Variants in CACNA1S observed in about 807,000 individuals in gnomAD.
CACNA1S encodes the protein calcium voltage-gated channel subunit alpha1 S.
Under a neutral mutation model 207.4 loss-of-function variants are expected in CACNA1S, and 126 were observed. The observed-to-expected ratio is 0.61, with a 90% CI of 0.53 to 0.70. The LOEUF (loss-of-function observed/expected upper bound fraction) is 0.70, where lower values mean the gene tolerates loss of function less well. Ranked by LOEUF, CACNA1S falls within the 30% of genes least tolerant of loss-of-function variation. CACNA1S has a pLI of 0.00. For synonymous variants in CACNA1S, 960 were observed against 932.7 expected (o/e 1.03, Z -0.53); for missense variants, 2,349 against 2,422.8 (o/e 0.97, Z 0.64).
rs139920212 is a variant in CACNA1S at position 201,089,293 on chromosome 1, T to C, written c.865A>G (p.Ile289Val). The C allele has an allele frequency of 3.7e-6, 6 of 1,614,122 alleles. No homozygotes were observed. The African/African-American group carries it at 6.7e-5, about 18-fold the overall frequency. ...GFSMLTVYQCITMEGWTDVLY... is the reference protein window; with the variant it reads ...GFSMLTVYQCVTMEGWTDVLY... ...ACGTCAGTCCATCCCTCCATGGTAA[T>C]GCACTGGTACACGGTGAGCATGGAG... Residue 289 changes from isoleucine (I) to valine (V), a missense_variant, in exon 6 of 44, where the codon ATT becomes GTT. Transcript: ENST00000362061.
At chr1:201,060,106 T>G (rs1375988958) in intron 26 of CACNA1S, among the ~76,000 whole-genome samples, 1 of 152,174 alleles carries the variant, frequency 6.6e-6, no homozygotes, top group Non-Finnish European at 1.5e-5. Context: ...CCTAGCAGTG[T>G]GTGTTCTTAT....
At chr1:201,048,758 C>A in intron 35 of CACNA1S, 74 bp from the exon 36 acceptor site, 1 of 1,350,900 alleles carries the variant, frequency 7.4e-7, no homozygotes, top group South Asian at 1.2e-5. Context: ...CTCACCCGGT[C>A]TGTGGACCGG....
At position 201,068,583 on chromosome 1, in the gene CACNA1S, C is replaced by A. The variant is rs554989064; in HGVS notation, c.2550+554G>T. ...AAGCTAACTGTATGGAAGAAAAATG[C>A]GAGAGTTCGCTGGGCGAGGTGGCTC... On this transcript the variant is annotated intron_variant, in intron 19 of 43. Transcript: ENST00000362061. 2.3e-4 allele frequency among the ~76,000 whole-genome samples: 34 copies of A among 150,030 alleles called. No individual in the cohort carries two copies. The South Asian group carries it at 7.0e-3, about 31-fold the overall frequency.
rs1331601013 is a variant in CACNA1S at position 201,040,062 on chromosome 1, C to T, written c.5391G>A (p.Leu1797=). Residue 1797 remains leucine (L), a synonymous_variant, in exon 44 of 44, where the codon CTG becomes CTA. Transcript: ENST00000362061. Reference sequence around the variant, plus strand: ...AGTTTGCATCAGCTGCCAAGGTGCCCAGGCCCCCTCGAACCAGAGCCTGCA... The same window carrying T: ...AGTTTGCATCAGCTGCCAAGGTGCCTAGGCCCCCTCGAACCAGAGCCTGCA... ...LIQKALVRGG[L]GTLAADANFI... is the part of the protein sequence containing the mutation. 1.2e-6 allele frequency: 2 copies of T among 1,614,232 alleles called. No individual in the cohort carries two copies. Among genetic ancestry groups the T allele is most frequent in the Non-Finnish European group, 1.7e-6 (2 of 1,180,022 alleles).
intron 22 of CACNA1S, 66 bp from the exon 23 acceptor site, chr1:201,062,580 G>A: frequency 6.8e-7 from 1 of 1,476,650 alleles, no homozygotes; most frequent in Non-Finnish European, 9.4e-7. Flanking sequence ...AGAAAAGTGG[G>A]CTCTGGGAGT....
At chr1:201,107,684 A>T (rs1455587441) in intron 2 of CACNA1S, among the ~76,000 whole-genome samples, 1 of 152,224 alleles carries the variant, frequency 6.6e-6, no homozygotes, top group Non-Finnish European at 1.5e-5. Context: ...AGCAGCCAAT[A>T]GGGCAAGAGA....
intron 42 of CACNA1S, 99 bp from the exon 43 acceptor site, chr1:201,040,473 A>C: frequency 6.6e-7 from 1 of 1,507,760 alleles, no homozygotes; most frequent in Non-Finnish European, 9.1e-7. Flanking sequence ...ACCAAGATCC[A>C]CAGAAAGGGG....
chr1:201,062,015 G>T lies in CACNA1S; in HGVS notation c.2982C>A (p.Asp994Glu). The T allele has an allele frequency of 6.2e-7, 1 of 1,614,232 alleles. No homozygotes were observed. Among genetic ancestry groups the T allele is most frequent in the Non-Finnish European group, 8.5e-7 (1 of 1,180,026 alleles). The change falls in exon 24 of 44, where the codon GAC becomes GAA. Residue 994 changes from aspartate to glutamate, a missense_variant. By Grantham distance (45) the Asp-to-Glu change is conservative (BLOSUM62 2). Transcript: ENST00000362061. The stretch of plus-strand genomic sequence containing the variant: ...CTGAGAGCACATTGTCGAAGTGGAA[G>T]TCGCTGTGTACCCACTCGCGGTGAC... The part of the protein sequence containing the change: ...ELRHREWVHS[D>E]FHFDNVLSAM...
At position 201,089,408 on chromosome 1, in the gene CACNA1S, T is replaced by A; in HGVS notation, c.750A>T (p.Ser250=). Reference sequence around the variant, plus strand: ...TGCCATTGATGGTGCACCGGCGCCCTGAGCCCGTCCTGGCGCAGGGCGATG... The same window carrying A: ...TGCCATTGATGGTGCACCGGCGCCCAGAGCCCGTCCTGGCGCAGGGCGATG... ...EEPSPCARTG[S]GRRCTINGSE... The change falls in exon 6 of 44, where the codon TCA becomes TCT. Residue 250 remains serine (S), a synonymous_variant. Transcript: ENST00000362061. 6.2e-7 allele frequency: 1 copy of A among 1,614,198 alleles called. No individual in the cohort carries two copies. Among genetic ancestry groups the A allele is most frequent in the Non-Finnish European group, 8.5e-7 (1 of 1,180,036 alleles).
At chr1:201,048,833 A>ATGATGAGT (rs1660557579) in intron 35 of CACNA1S, 149 bp from the exon 36 acceptor site, 1 of 839,550 alleles carries the variant, frequency 1.2e-6, no homozygotes, top group Non-Finnish European at 2.0e-6. Flanking sequence ...AGGGGACAGA[A>ATGATGAGT]TGATGAGTTG....
chr1:201,101,636 A>G (rs1348638925), intron 2 of CACNA1S, among the ~76,000 whole-genome samples: 1 of 152,198 alleles, frequency 6.6e-6, no homozygotes, highest in East Asian at 1.9e-4. Context: ...CGAGGCACAC[A>G]CACCTTCTGG....
chr1:201,066,236 C>T lies in CACNA1S; in HGVS notation c.2738G>A (p.Gly913Glu), dbSNP rs758265339. The T allele has an allele frequency of 1.9e-6, 3 of 1,613,900 alleles. 1 individual carries two copies. In the South Asian group the frequency reaches 3.3e-5, roughly 18 times the overall value. Residue 913 changes from glycine to glutamate, a missense_variant, in exon 21 of 44, where the codon GGG becomes GAG. Coordinates refer to ENST00000362061, the MANE Select transcript of CACNA1S (RefSeq NM_000069.3). This position sits in a 1 kb window ranked among gnomAD's most constrained non-coding sequence, Gnocchi z 4.3. ...GCCCGGGCCCTCTCTCACCTTCAAC[C>T]CCTTGGCTCTGTTGATGGCTCTGAG... ...RPLRAINRAK[G>E]LKHVVQCMFV...
At position 201,060,744 on chromosome 1, in the gene CACNA1S, G is replaced by A; in HGVS notation, c.3328C>T (p.Gln1110Ter). 1 of 1,614,182 alleles carries A rather than the reference G, an allele frequency of 6.2e-7. No homozygotes were observed. The highest frequency in any genetic ancestry group is 8.5e-7 in the Non-Finnish European group (1 of 1,180,020). The change falls in exon 26 of 44, where the codon CAG becomes TAG. Residue 1110 changes from glutamine to a stop codon, truncating the protein, a stop_gained. Transcript: ENST00000362061. LOFTEE classifies it high-confidence loss of function. ...CYIPKNPYQY[Q>*]VWYIVTSSYF... The stretch of plus-strand genomic sequence containing the variant: ...GAGGAGGTGACAATGTACCACACCT[G>A]GTACTGGTATGGGTTTTTGGGAATG...
intron 38 of CACNA1S, among the ~76,000 whole-genome samples, chr1:201,045,208 C>G (rs760346481): frequency 3.1e-4 from 47 of 152,146 alleles, no homozygotes; most frequent in Non-Finnish European, 5.7e-4. Context: ...GCATTCTTAT[C>G]CAAGATGCAT....
At position 201,100,419 on chromosome 1, in the gene CACNA1S, C is replaced by T. The variant is rs181428538; in HGVS notation, c.259-6398G>A. Among the ~76,000 whole-genome samples the T allele has an allele frequency of 1.8e-3, 270 of 152,356 alleles. 1 individual carries two copies. The highest frequency in any genetic ancestry group is 2.9e-3 in the South Asian group (14 of 4,828). On this transcript the variant is annotated intron_variant, in intron 2 of 43. Coordinates refer to ENST00000362061, the MANE Select transcript of CACNA1S (RefSeq NM_000069.3). Reference sequence around the variant, plus strand: ...CCTGGCATCTCCACAAACACCTCAGCCTCCAGGTTTGGAAGATGACCTGCT... The same window carrying T: ...CCTGGCATCTCCACAAACACCTCAGTCTCCAGGTTTGGAAGATGACCTGCT...
chr1:201,094,539 C>T (rs1307899808), intron 2 of CACNA1S, among the ~76,000 whole-genome samples: 1 of 152,024 alleles, frequency 6.6e-6, no homozygotes, highest in African/African-American at 2.4e-5. Flanking sequence ...TGGTTTCTGG[C>T]TTTGGCACCT....
rs758046937 is a variant in CACNA1S at position 201,040,012 on chromosome 1, A to G, written c.5441T>C (p.Leu1814Pro). ...TGGTTCCATTTGGCAGGCATCTGCC[A>G]GGGCCTGGCCTGTTGCCATGATGAA... Reference protein sequence around the residue: ...ANFIMATGQALADACQMEPEE... With the variant: ...ANFIMATGQAPADACQMEPEE... Residue 1814 changes from leucine (L) to proline (P), a missense_variant, in exon 44 of 44, where the codon CTG becomes CCG. By Grantham distance (98) the Leu-to-Pro change is moderately conservative. Transcript: ENST00000362061. The G allele has an allele frequency of 6.2e-7, 1 of 1,614,284 alleles. No homozygotes were observed. The highest frequency in any genetic ancestry group is 8.5e-7 in the Non-Finnish European group (1 of 1,180,050).
intron 33 of CACNA1S, among the ~76,000 whole-genome samples, 172 bp downstream of exon 33, chr1:201,050,812 A>G (rs1558056246): frequency 6.6e-6 from 1 of 152,106 alleles, no homozygotes; most frequent in Non-Finnish European, 1.5e-5. Context: ...CACCCAGGAA[A>G]CAAAGCCACA....
At chr1:201,067,071 C>G in intron 19 of CACNA1S, 78 bp from the exon 20 acceptor site, 1 of 948,914 alleles carries the variant, frequency 1.1e-6, no homozygotes, top group Non-Finnish European at 1.7e-6. Context: ...GGCTTCTCGC[C>G]TCTGCTCAGG....
Sources: allele counts gnomAD v4.1 joint callset (sites outside exome capture counted in the v4.1 genomes callset), GRCh38; gene constraint gnomAD v4.1.1; non-coding constraint Gnocchi (gnomAD v3.1); transcripts MANE v1.5; gene names NCBI Gene and HGNC (gene_info 2026-07-23, HGNC 2026-07-21).